Variants in PTPRD observed in about 807,000 individuals in gnomAD.
The protein encoded by PTPRD is protein tyrosine phosphatase receptor type D, also known as receptor-type tyrosine-protein phosphatase delta.
In PTPRD, 34 loss-of-function variants were observed where a neutral mutation model predicts 214.5. The ratio of observed to expected loss-of-function variants is 0.16; its 90% CI spans 0.12 to 0.21. PTPRD has a LOEUF of 0.21. Ranked by LOEUF, PTPRD falls within the 10% of genes least tolerant of loss-of-function variation. PTPRD has a pLI of 1.00. For missense variants in PTPRD, 2,545 were observed against 2,398.7 expected (o/e 1.06, Z -1.27); for synonymous variants, 1,128 against 845.7 (o/e 1.33, Z -5.79).
chr9:9,730,688 T>C (rs979296490), intron 7 of PTPRD, among the ~76,000 whole-genome samples: 2 of 152,116 alleles, frequency 1.3e-5, no homozygotes, highest in African/African-American at 4.8e-5. Context: ...ATATAGTCTT[T>C]AGAGTCCAAA....
chr9:9,907,253 T>A (rs1162941585), intron 5 of PTPRD, among the ~76,000 whole-genome samples: 2 of 151,992 alleles, frequency 1.3e-5, no homozygotes, highest in African/African-American at 4.8e-5. Context: ...TGGAGTCTGT[T>A]ATTTCACTTG....
At chr9:9,247,259 A>G (rs1469035448) in intron 9 of PTPRD, among the ~76,000 whole-genome samples, 1 of 152,068 alleles carries the variant, frequency 6.6e-6, no homozygotes, top group African/African-American at 2.4e-5. Flanking sequence ...GAACCTGCAC[A>G]GACAAGCCTT....
At chr9:10,426,580 G>C (rs558349254) in intron 2 of PTPRD, among the ~76,000 whole-genome samples, 1 of 152,070 alleles carries the variant, frequency 6.6e-6, no homozygotes, top group South Asian at 2.1e-4. Flanking sequence ...CATTCTTAAG[G>C]AAACTGGATA....
intron 10 of PTPRD, among the ~76,000 whole-genome samples, chr9:9,082,902 G>C (rs1208323806): frequency 2.6e-5 from 4 of 152,044 alleles, no homozygotes; most frequent in Non-Finnish European, 2.9e-5. Context: ...AAAACAGAGA[G>C]GATACAAACG....
chr9:9,211,590 G>A (rs369743259), intron 9 of PTPRD, among the ~76,000 whole-genome samples: 44 of 148,316 alleles, frequency 3.0e-4, no homozygotes, highest in African/African-American at 1.1e-3. Flanking sequence ...ATGATATTAA[G>A]AAGTTAAATT....
In PTPRD at chr9:8,321,477, G is replaced by GTATA. The variant is rs1227799696; in HGVS notation, c.5535-1512_5535-1511insTATA. Among the ~76,000 whole-genome samples, 157 of 75,218 alleles carry GTATA rather than the reference G, an allele frequency of 2.1e-3. 2 individuals carry two copies. Among genetic ancestry groups the GTATA allele is most frequent in the African/African-American group, 5.4e-3 (93 of 17,116 alleles). 49.3% of individuals were successfully genotyped at this position (75,218 alleles called of 152,430 possible). A position where few individuals can be genotyped will look rare whatever the true frequency, so the allele number is the denominator to read the frequency against. On this transcript the variant is annotated intron_variant, in intron 44 of 45. Coordinates refer to ENST00000381196, the MANE Select transcript of PTPRD (RefSeq NM_002839.4). ...AAGTCTTCTTTGTGTGTGTGTGTGT[G>GTATA]TGTGTGTGTGTATATATATATATAT...
chr9:9,538,188 T>G (rs1372169771), intron 8 of PTPRD, among the ~76,000 whole-genome samples: 1 of 151,970 alleles, frequency 6.6e-6, no homozygotes, highest in African/African-American at 2.4e-5. Context: ...ATTGTGTTTT[T>G]CTTTAGATTG....
intron 8 of PTPRD, among the ~76,000 whole-genome samples, chr9:9,404,277 C>T (rs1295497422): frequency 6.6e-6 from 1 of 152,016 alleles, no homozygotes; most frequent in Non-Finnish European, 1.5e-5. Context: ...CTGTAGAAAA[C>T]TGAAAGCCAA....
intron 10 of PTPRD, among the ~76,000 whole-genome samples, chr9:9,072,139 A>G (rs1232603338): frequency 1.3e-5 from 2 of 152,184 alleles, no homozygotes; most frequent in African/African-American, 2.4e-5. Flanking sequence ...CTTTAAATTA[A>G]CTGCATAACA....
chr9:10,487,187 T>G (rs192436738), intron 2 of PTPRD, among the ~76,000 whole-genome samples: 1 of 152,158 alleles, frequency 6.6e-6, no homozygotes, highest in African/African-American at 2.4e-5. Flanking sequence ...ATGGGTACCC[T>G]TATAGGTGAA....
chr9:8,548,843 C>T (rs1209709123), intron 14 of PTPRD, among the ~76,000 whole-genome samples: 2 of 151,598 alleles, frequency 1.3e-5, no homozygotes, highest in Non-Finnish European at 1.5e-5. Flanking sequence ...TACAGGCATG[C>T]ACCACCATGC....
chr9:8,929,914 T>TATATACGTGTGTGTGTATATATATGTGC (rs1567065493), intron 11 of PTPRD, among the ~76,000 whole-genome samples: 28 of 41,954 alleles, frequency 6.7e-4, no homozygotes, highest in Admixed American at 2.4e-3. Flanking sequence ...TATATATGTG[T>TATATACGTGTGTGTGTATATATATGTGC]GTGTATATAT....
intron 9 of PTPRD, among the ~76,000 whole-genome samples, chr9:9,387,208 T>C (rs1297456167): frequency 6.6e-6 from 1 of 152,198 alleles, no homozygotes; most frequent in Non-Finnish European, 1.5e-5. Context: ...ATGTGAAATC[T>C]AGTAAAGACC....
intron 8 of PTPRD, among the ~76,000 whole-genome samples, chr9:9,458,997 G>A (rs1380098287): frequency 6.6e-6 from 1 of 151,914 alleles, no homozygotes; most frequent in Non-Finnish European, 1.5e-5. Flanking sequence ...CAGAGTTGCA[G>A]GTGAATGGTC....
chr9:9,271,284 C>T (rs1323124305), intron 9 of PTPRD, among the ~76,000 whole-genome samples: 1 of 149,504 alleles, frequency 6.7e-6, no homozygotes, highest in Non-Finnish European at 1.5e-5. Flanking sequence ...TTTTTCTCAT[C>T]TTAAAAAAAA....
At chr9:9,930,092 C>G (rs548832271) in intron 5 of PTPRD, among the ~76,000 whole-genome samples, 2 of 152,202 alleles carry the variant, frequency 1.3e-5, no homozygotes, top group Non-Finnish European at 2.9e-5. Context: ...TAGGAATACA[C>G]TACTTAGGGC....
intron 11 of PTPRD, among the ~76,000 whole-genome samples, chr9:8,802,852 G>A (rs960359103): frequency 6.6e-6 from 1 of 152,032 alleles, no homozygotes; most frequent in Non-Finnish European, 1.5e-5. Context: ...AGGAGTTCCA[G>A]AGCAGCCTGG....
chr9:9,235,942 T>C lies in PTPRD; in HGVS notation c.-202-52579A>G, dbSNP rs1594227339. On this transcript the variant is annotated intron_variant, in intron 9 of 45. Coordinates refer to ENST00000381196, the MANE Select transcript of PTPRD (RefSeq NM_002839.4). ...CCATGAACTTATTAGTCTGAGTCAATTCTAAACAATAAGGGGTTATATTTA... is the reference window on the plus strand; with the variant it reads ...CCATGAACTTATTAGTCTGAGTCAACTCTAAACAATAAGGGGTTATATTTA... 3.3e-5 allele frequency among the ~76,000 whole-genome samples: 5 copies of C among 152,246 alleles called. No homozygotes were observed. In the South Asian group the frequency reaches 1.0e-3, roughly 32 times the overall value.
chr9:9,874,960 G>A (rs973466440), intron 5 of PTPRD, among the ~76,000 whole-genome samples: 10 of 152,062 alleles, frequency 6.6e-5, no homozygotes, highest in Non-Finnish European at 1.5e-4. Flanking sequence ...TAAAATTTCT[G>A]AGCTTTTGTC....
Sources: gnomAD v4.1 joint callset for allele counts (sites outside exome capture counted in the v4.1 genomes callset) on GRCh38, gnomAD v4.1.1 for gene constraint, MANE v1.5 for transcripts, NCBI Gene and HGNC (gene_info 2026-07-23, HGNC 2026-07-21) for gene names.